The following MAGI1 variants were observed in gnomAD, a reference collection of about 807,000 sequenced individuals.
The protein encoded by MAGI1 is membrane-associated guanylate kinase, WW and PDZ domain-containing protein 1.
A neutral mutation model predicts 139.9 loss-of-function variants in MAGI1; 58 were observed. The observed-to-expected ratio is 0.41, with a 90% CI of 0.34 to 0.52. The LOEUF (loss-of-function observed/expected upper bound fraction) is 0.52, where lower values mean the gene tolerates loss of function less well. Among genes scored for constraint, MAGI1 ranks in the 20% least tolerant of loss-of-function variants. The pLI is 0.12. For missense variants in MAGI1, 1,874 were observed against 1,901.6 expected, an observed-to-expected ratio of 0.99 and a Z score of 0.27; for synonymous variants, 812 against 737.9, an observed-to-expected ratio of 1.10 and a Z score of -1.63.
At chr3:65,958,079 G>C (rs1392479244) in intron 1 of MAGI1, among the ~76,000 whole-genome samples, 1 of 152,084 alleles carries the variant, frequency 6.6e-6, no homozygotes, top group African/African-American at 2.4e-5. Context: ...TTGAACTGTT[G>C]TAACCCATAT....
intron 1 of MAGI1, among the ~76,000 whole-genome samples, chr3:65,811,077 G>A (rs57613686): frequency 0.035 from 5,338 of 152,242 alleles, 246 homozygotes; most frequent in African/African-American, 0.1. Flanking sequence ...TTGAATGTTA[G>A]GTTCTGAAAA....
intron 14 of MAGI1, 37 bp downstream of exon 14, chr3:65,391,105 G>A (rs1943893597): frequency 1.9e-6 from 3 of 1,546,010 alleles, no homozygotes; most frequent in African/African-American, 1.4e-5. Context: ...GCCCTGCGGA[G>A]GGGTCAGGGT....
intron 2 of MAGI1, among the ~76,000 whole-genome samples, chr3:65,518,014 A>G (rs528723910): frequency 2.6e-5 from 4 of 152,228 alleles, no homozygotes; most frequent in Non-Finnish European, 4.4e-5. Context: ...CCACAGTAGC[A>G]TTAGAACAGA....
At chr3:65,927,270 T>C (rs758615739) in intron 1 of MAGI1, among the ~76,000 whole-genome samples, 6 of 152,214 alleles carry the variant, frequency 3.9e-5, no homozygotes, top group Non-Finnish European at 7.4e-5. Context: ...GGGGTCTGGA[T>C]GGGGACCCCT....
intron 1 of MAGI1, among the ~76,000 whole-genome samples, chr3:65,970,256 T>C (rs541031685): frequency 3.5e-4 from 54 of 152,300 alleles, no homozygotes; most frequent in African/African-American, 1.2e-3. Flanking sequence ...ACAAATACTC[T>C]ATGAGTCCAC....
At chr3:65,824,840 A>G (rs1256967160) in intron 1 of MAGI1, among the ~76,000 whole-genome samples, 1 of 152,214 alleles carries the variant, frequency 6.6e-6, no homozygotes, top group African/African-American at 2.4e-5. Context: ...GAAAAATGTC[A>G]TATTTTTTTC....
intron 1 of MAGI1, among the ~76,000 whole-genome samples, chr3:65,902,082 G>A (rs1391010907): frequency 6.6e-6 from 1 of 152,156 alleles, no homozygotes; most frequent in Non-Finnish European, 1.5e-5. Context: ...ATGGATTAAT[G>A]ATCATTTCTA....
At chr3:65,980,383 T>C (rs996023032) in intron 1 of MAGI1, among the ~76,000 whole-genome samples, 3 of 151,984 alleles carry the variant, frequency 2.0e-5, no homozygotes, top group Non-Finnish European at 4.4e-5. Flanking sequence ...GCCAACATGG[T>C]GAAACACCGT....
At chr3:65,498,940 C>A in intron 2 of MAGI1, 1 of 906,790 alleles carries the variant, frequency 1.1e-6, no homozygotes, top group Non-Finnish European at 1.3e-6. Context: ...ATCTGAGTTG[C>A]CTTCATTACA....
intron 1 of MAGI1, among the ~76,000 whole-genome samples, chr3:65,708,989 A>T (rs1173880686): frequency 6.6e-6 from 1 of 152,198 alleles, no homozygotes; most frequent in Non-Finnish European, 1.5e-5. Context: ...AGGTTTTATA[A>T]AGGTTAACAG....
At chr3:65,863,097 A>C (rs1216539359) in intron 1 of MAGI1, among the ~76,000 whole-genome samples, 12 of 152,134 alleles carry the variant, frequency 7.9e-5, no homozygotes, top group Non-Finnish European at 1.8e-4. Context: ...CCAATCCTCA[A>C]AATCTTTGCT....
intron 1 of MAGI1, among the ~76,000 whole-genome samples, chr3:65,843,193 A>G (rs1478943962): frequency 6.6e-6 from 1 of 152,166 alleles, no homozygotes; most frequent in African/African-American, 2.4e-5. Context: ...GTCTTAGGTG[A>G]TCTCTCATTA....
At chr3:65,374,566 C>T (rs2106836278) in intron 18 of MAGI1, among the ~76,000 whole-genome samples, 1 of 152,302 alleles carries the variant, frequency 6.6e-6, no homozygotes, top group Non-Finnish European at 1.5e-5. Flanking sequence ...GATCCACCCG[C>T]TTTGGCCTGC....
At chr3:65,757,452 A>G (rs942766253) in intron 1 of MAGI1, among the ~76,000 whole-genome samples, 131 of 152,330 alleles carry the variant, frequency 8.6e-4, no homozygotes, top group African/African-American at 3.0e-3. Context: ...AGCCTGGCCA[A>G]CATGGCGAAA....
intron 1 of MAGI1, among the ~76,000 whole-genome samples, chr3:65,690,948 AT>A (rs1346423962): frequency 6.6e-6 from 1 of 152,096 alleles, no homozygotes; most frequent in African/African-American, 2.4e-5. Context: ...TGTGCACCTA[AT>A]TTTAGACTGT....
intron 1 of MAGI1, among the ~76,000 whole-genome samples, chr3:65,656,049 G>T (rs1363947998): frequency 6.6e-6 from 1 of 152,020 alleles, no homozygotes; most frequent in Non-Finnish European, 1.5e-5. Context: ...ATGAAGGTGT[G>T]GGCCTCCTCA....
chr3:65,875,561 T>C (rs1030949011), intron 1 of MAGI1, among the ~76,000 whole-genome samples: 3 of 152,116 alleles, frequency 2.0e-5, no homozygotes, highest in African/African-American at 7.2e-5. Flanking sequence ...GGTGCACAGA[T>C]CTATTTGTAG....
chr3:66,014,890 T>C (rs1196880736), intron 1 of MAGI1, among the ~76,000 whole-genome samples: 1 of 152,174 alleles, frequency 6.6e-6, no homozygotes, highest in African/African-American at 2.4e-5. Context: ...AGAATAACAT[T>C]CCACCCCATC....
chr3:65,362,008 TAAAA>T (rs1940910958), intron 21 of MAGI1, among the ~76,000 whole-genome samples: 1 of 152,138 alleles, frequency 6.6e-6, no homozygotes, highest in Admixed American at 6.5e-5. Flanking sequence ...ACACTGGAAA[TAAAA>T]GAATAAATAA....
Sources: gnomAD v4.1 joint callset for allele counts (sites outside exome capture counted in the v4.1 genomes callset) on GRCh38, gnomAD v4.1.1 for gene constraint, MANE v1.5 for transcripts, NCBI Gene and HGNC (gene_info 2026-07-23, HGNC 2026-07-21) for gene names.